ATXN1: variants seen among roughly 807,000 people sequenced by gnomAD.
The protein encoded by ATXN1 is ataxin-1.
A neutral mutation model predicts 56.4 loss-of-function variants in ATXN1; 8 were observed. The ratio of observed to expected loss-of-function variants is 0.14; its 90% CI spans 0.08 to 0.26. The LOEUF is 0.26. Ranked by LOEUF, ATXN1 falls within the 10% of genes least tolerant of loss-of-function variation. ATXN1 has a pLI of 1.00. For missense variants in ATXN1, 987 were observed against 1,106.5 expected (o/e 0.89, Z 1.53); for synonymous variants, 514 against 494.6 (o/e 1.04, Z -0.52).
At chr6:16,614,797 C>T (rs901815826) in intron 3 of ATXN1, among the ~76,000 whole-genome samples, 2 of 151,678 alleles carry the variant, frequency 1.3e-5, no homozygotes, top group African/African-American at 4.8e-5. Flanking sequence ...GTGTTGCATG[C>T]CTGTAATCCC....
intron 6 of ATXN1, among the ~76,000 whole-genome samples, chr6:16,401,830 C>T (rs555049181): frequency 1.3e-4 from 20 of 152,208 alleles, no homozygotes; most frequent in African/African-American, 3.4e-4. Flanking sequence ...AACCACCAGT[C>T]GTATTAGTCC....
intron 5 of ATXN1, among the ~76,000 whole-genome samples, chr6:16,501,289 G>T (rs1760880880): frequency 6.6e-6 from 1 of 152,174 alleles, no homozygotes; most frequent in Non-Finnish European, 1.5e-5. Context: ...AAGGAAACTG[G>T]AAGAATTCTT....
chr6:16,318,558 C>T (rs77221523), intron 7 of ATXN1, among the ~76,000 whole-genome samples: 2 of 152,290 alleles, frequency 1.3e-5, no homozygotes, highest in East Asian at 3.9e-4. Context: ...GTTTAAAAAT[C>T]ATTAATAAAA....
At chr6:16,668,837 T>A (rs539389751) in intron 2 of ATXN1, among the ~76,000 whole-genome samples, 2 of 152,032 alleles carry the variant, frequency 1.3e-5, no homozygotes, top group Admixed American at 6.6e-5. Context: ...GAGATAGGGG[T>A]CTATGTTGCC....
intron 4 of ATXN1, among the ~76,000 whole-genome samples, chr6:16,562,881 C>G (rs758542865): frequency 5.3e-5 from 8 of 151,878 alleles, no homozygotes; most frequent in Non-Finnish European, 8.8e-5. Flanking sequence ...CATTCATAGA[C>G]TGAAGAGAAG....
At position 16,334,539 on chromosome 6, in the gene ATXN1, G is replaced by C. The variant is rs956067356; in HGVS notation, c.-160-6069C>G. Among the ~76,000 whole-genome samples, 3 of 152,008 alleles carry C rather than the reference G, an allele frequency of 2.0e-5. No homozygotes were observed. In the East Asian group the frequency reaches 5.8e-4, roughly 29 times the overall value. ...AAGGCCAGCCTGGACAACATATCGAGATCCTGTCTCTACAAAAAATAAAAA... is the reference window on the plus strand; with the variant it reads ...AAGGCCAGCCTGGACAACATATCGACATCCTGTCTCTACAAAAAATAAAAA... On this transcript the variant is annotated intron_variant, in intron 6 of 7. Transcript: ENST00000436367.
chr6:16,512,991 A>G (rs1056810413), intron 5 of ATXN1, among the ~76,000 whole-genome samples: 16 of 152,226 alleles, frequency 1.1e-4, no homozygotes, highest in African/African-American at 3.9e-4. Context: ...ATCACCATTG[A>G]AACAGAAGGC....
intron 6 of ATXN1, among the ~76,000 whole-genome samples, chr6:16,385,547 A>G (rs546163542): frequency 2.6e-5 from 4 of 152,326 alleles, no homozygotes; most frequent in African/African-American, 7.2e-5. Flanking sequence ...GGCTAGTGCC[A>G]TTTGCACAAG....
At chr6:16,737,625 T>C (rs1581407422) in intron 2 of ATXN1, 1 of 152,338 alleles carries the variant, frequency 6.6e-6, no homozygotes. Context: ...CCAGCAGCCT[T>C]AAGCACAGGA....
At chr6:16,383,915 T>C (rs1383943277) in intron 6 of ATXN1, among the ~76,000 whole-genome samples, 1 of 152,112 alleles carries the variant, frequency 6.6e-6, no homozygotes, top group Non-Finnish European at 1.5e-5. Context: ...AAAGAGAAAA[T>C]CAGGAGCAAC....
intron 3 of ATXN1, among the ~76,000 whole-genome samples, chr6:16,607,624 C>G (rs1763034719): frequency 6.6e-6 from 1 of 152,158 alleles, no homozygotes; most frequent in Admixed American, 6.5e-5. Flanking sequence ...AATATGTACC[C>G]ATCTCTCTAG....
intron 4 of ATXN1, among the ~76,000 whole-genome samples, chr6:16,554,779 T>C (rs1581841293): frequency 6.6e-6 from 1 of 151,924 alleles, no homozygotes; most frequent in Admixed American, 6.6e-5. Flanking sequence ...TTAGTAGAGA[T>C]AGGGTTTCAC....
chr6:16,490,923 G>A (rs1760646698), intron 5 of ATXN1, among the ~76,000 whole-genome samples: 2 of 152,080 alleles, frequency 1.3e-5, no homozygotes, highest in South Asian at 4.2e-4. Flanking sequence ...GAGACCACGG[G>A]AGCATGATGC....
intron 2 of ATXN1, among the ~76,000 whole-genome samples, chr6:16,678,052 C>T (rs539277444): frequency 6.6e-6 from 1 of 152,278 alleles, no homozygotes; most frequent in East Asian, 1.9e-4. Context: ...TCAGAGCTAT[C>T]TTTTCTTTGC....
chr6:16,414,416 GA>G (rs1265348760), intron 6 of ATXN1, among the ~76,000 whole-genome samples: 1 of 152,138 alleles, frequency 6.6e-6, no homozygotes, highest in Non-Finnish European at 1.5e-5. Context: ...TCTCCACTCA[GA>G]ATTCACTTTA....
chr6:16,740,413 T>C (rs2113506937), intron 2 of ATXN1, among the ~76,000 whole-genome samples: 1 of 152,338 alleles, frequency 6.6e-6, no homozygotes, highest in East Asian at 1.9e-4. Context: ...TAACATCTAG[T>C]AGAAAGACAG....
At chr6:16,407,915 G>T (rs1185275539) in intron 6 of ATXN1, among the ~76,000 whole-genome samples, 1 of 152,212 alleles carries the variant, frequency 6.6e-6, no homozygotes, top group Non-Finnish European at 1.5e-5. Context: ...GGTGCCATGT[G>T]GTATCTGAAG....
At chr6:16,682,034 G>C (rs1450040418) in intron 2 of ATXN1, among the ~76,000 whole-genome samples, 2 of 152,008 alleles carry the variant, frequency 1.3e-5, no homozygotes, top group Non-Finnish European at 2.9e-5. Context: ...GTTAGCCGCT[G>C]TTCTCCTTCC....
chr6:16,462,583 C>T (rs954978146), intron 6 of ATXN1, among the ~76,000 whole-genome samples: 5 of 152,142 alleles, frequency 3.3e-5, no homozygotes, highest in African/African-American at 1.2e-4. Flanking sequence ...GTAGCTCCTG[C>T]CGGGACAAAA....
Sources: gnomAD v4.1 joint callset for allele counts (sites outside exome capture counted in the v4.1 genomes callset) on GRCh38, gnomAD v4.1.1 for gene constraint, MANE v1.5 for transcripts, NCBI Gene and HGNC (gene_info 2026-07-23, HGNC 2026-07-21) for gene names.